PHACTR1: variants seen among roughly 807,000 people sequenced by gnomAD.
PHACTR1 encodes RPEL repeat containing 1.
A neutral mutation model predicts 69.2 loss-of-function variants in PHACTR1; 16 were observed. The observed-to-expected ratio is 0.23, with a 90% CI of 0.16 to 0.35. The LOEUF is 0.35. PHACTR1 is among the 10% of genes least tolerant of loss of function. PHACTR1 has a pLI of 1.00. For missense variants in PHACTR1, 510 were observed against 734.7 expected (o/e 0.69, Z 3.54); for synonymous variants, 312 against 284.5 (o/e 1.10, Z -0.97).
Position 12,819,781 on chromosome 6 carries a change from G to A in PHACTR1, c.250+69991G>A, listed in dbSNP as rs181255882. Among the ~76,000 whole-genome samples the A allele has an allele frequency of 1.8e-4, 27 of 152,260 alleles. No individual in the cohort carries two copies. The East Asian group carries it at 4.6e-3, about 26-fold the overall frequency. ...GCTCTGTTTTACTGATTTGAGTTTAGGATGAGTAATTACTCTAACATCAAA... is the reference window on the plus strand; with the variant it reads ...GCTCTGTTTTACTGATTTGAGTTTAAGATGAGTAATTACTCTAACATCAAA... On this transcript the variant is annotated intron_variant, in intron 4 of 14. Transcript: ENST00000332995.
chr6:13,105,469 T>C (rs1282368307), intron 5 of PHACTR1, among the ~76,000 whole-genome samples: 2 of 151,954 alleles, frequency 1.3e-5, no homozygotes, highest in Non-Finnish European at 2.9e-5. Flanking sequence ...AAAGGTTTTT[T>C]CCCCCCTTTA....
intron 4 of PHACTR1, among the ~76,000 whole-genome samples, chr6:12,777,519 G>A (rs1364600724): frequency 6.6e-6 from 1 of 151,732 alleles, no homozygotes; most frequent in African/African-American, 2.4e-5. Flanking sequence ...ATTTTGCTGA[G>A]GATGATGGCC....
At chr6:12,768,735 T>A (rs1183966418) in intron 4 of PHACTR1, among the ~76,000 whole-genome samples, 3 of 151,892 alleles carry the variant, frequency 2.0e-5, no homozygotes, top group Non-Finnish European at 2.9e-5. Flanking sequence ...ATATTTTTAA[T>A]TTTTAAAGGA....
chr6:13,240,620 T>A (rs930452245), intron 10 of PHACTR1, among the ~76,000 whole-genome samples: 1 of 152,078 alleles, frequency 6.6e-6, no homozygotes, highest in Non-Finnish European at 1.5e-5. Flanking sequence ...CTAATTTTTG[T>A]ATTTTTAGTA....
Position 12,893,985 on chromosome 6 carries a change from G to A in PHACTR1, c.250+144195G>A, listed in dbSNP as rs774143490. Among the ~76,000 whole-genome samples the A allele has an allele frequency of 2.6e-5, 4 of 152,192 alleles. No homozygotes were observed. The South Asian group carries it at 8.3e-4, about 32-fold the overall frequency. ...ATTACATGTCTGTCAGTGAGCTCACGTTAATGGCAATTTGCAAGGGAACAC... is the reference window on the plus strand; with the variant it reads ...ATTACATGTCTGTCAGTGAGCTCACATTAATGGCAATTTGCAAGGGAACAC... On this transcript the variant is annotated intron_variant, in intron 4 of 14. Coordinates refer to ENST00000332995, the MANE Select transcript of PHACTR1 (RefSeq NM_030948.6).
chr6:12,732,819 T>C (rs973333577), intron 3 of PHACTR1, among the ~76,000 whole-genome samples: 3 of 152,224 alleles, frequency 2.0e-5, no homozygotes, highest in Non-Finnish European at 2.9e-5. Context: ...AATTATGAAA[T>C]AATCAGACAC....
At chr6:12,785,730 G>C (rs1011723661) in intron 4 of PHACTR1, among the ~76,000 whole-genome samples, 1 of 152,146 alleles carries the variant, frequency 6.6e-6, no homozygotes, top group East Asian at 1.9e-4. Context: ...CATTTTGTTA[G>C]AACAAACTGT....
chr6:12,851,402 TG>T (rs1779813915), intron 4 of PHACTR1, among the ~76,000 whole-genome samples: 3 of 152,168 alleles, frequency 2.0e-5, no homozygotes, highest in African/African-American at 4.8e-5. Flanking sequence ...CGTTAGAAAA[TG>T]TTACCACAAA....
intron 7 of PHACTR1, among the ~76,000 whole-genome samples, chr6:13,202,133 G>C (rs1479980382): frequency 9.2e-5 from 14 of 152,208 alleles, no homozygotes; most frequent in Non-Finnish European, 2.1e-4. Context: ...ACTTGGTCCA[G>C]CTGGCCTTTT....
At chr6:12,845,910 T>C (rs1213436615) in intron 4 of PHACTR1, among the ~76,000 whole-genome samples, 2 of 152,236 alleles carry the variant, frequency 1.3e-5, no homozygotes, top group African/African-American at 2.4e-5. Context: ...AATTTCATTG[T>C]GTGCAGATTT....
chr6:12,746,654 A>G (rs760538230), intron 3 of PHACTR1, among the ~76,000 whole-genome samples: 1 of 152,272 alleles, frequency 6.6e-6, no homozygotes, highest in African/African-American at 2.4e-5. Flanking sequence ...ATAATACAAA[A>G]GTGCATTTAA....
At chr6:12,844,378 C>T (rs1778991957) in intron 4 of PHACTR1, among the ~76,000 whole-genome samples, 1 of 152,032 alleles carries the variant, frequency 6.6e-6, no homozygotes, top group South Asian at 2.1e-4. Context: ...TCCTGAGTGA[C>T]AGAGCAAGAC....
At chr6:13,138,395 T>C (rs1158475447) in intron 5 of PHACTR1, among the ~76,000 whole-genome samples, 1 of 152,196 alleles carries the variant, frequency 6.6e-6, no homozygotes, top group Non-Finnish European at 1.5e-5. Flanking sequence ...AAAGGGAATT[T>C]AGGGGTCTAT....
chr6:13,014,963 A>G (rs1799963621), intron 4 of PHACTR1, among the ~76,000 whole-genome samples: 1 of 152,228 alleles, frequency 6.6e-6, no homozygotes, highest in Admixed American at 6.5e-5. Context: ...GTTCCCGAGC[A>G]GCTCACCGAA....
chr6:13,226,018 C>T (rs1004941844), intron 8 of PHACTR1, among the ~76,000 whole-genome samples: 2 of 152,360 alleles, frequency 1.3e-5, no homozygotes, highest in African/African-American at 4.8e-5. Flanking sequence ...GTACTTCACC[C>T]TCCTGCTCCC....
chr6:13,265,347 G>C (rs552331543), intron 10 of PHACTR1, among the ~76,000 whole-genome samples: 101 of 75,872 alleles, frequency 1.3e-3, no homozygotes, highest in African/African-American at 5.6e-3. Context: ...TTAACGAAAA[G>C]ATTGACATGC....
At chr6:12,865,285 G>A (rs1358671629) in intron 4 of PHACTR1, among the ~76,000 whole-genome samples, 1 of 151,630 alleles carries the variant, frequency 6.6e-6, no homozygotes, top group East Asian at 1.9e-4. Flanking sequence ...CATCTTGACA[G>A]CACTGCTTCA....
chr6:12,879,534 G>A (rs1782870386), intron 4 of PHACTR1, among the ~76,000 whole-genome samples: 1 of 151,942 alleles, frequency 6.6e-6, no homozygotes, highest in South Asian at 2.1e-4. Flanking sequence ...TTTTTCTCTG[G>A]CTTTCTTAGA....
chr6:13,200,868 G>C (rs541845113), intron 7 of PHACTR1, among the ~76,000 whole-genome samples: 1 of 151,562 alleles, frequency 6.6e-6, no homozygotes, highest in Non-Finnish European at 1.5e-5. Context: ...TGAACAACCC[G>C]GGAGCGGGAG....
Sources: gnomAD v4.1 joint callset for allele counts (sites outside exome capture counted in the v4.1 genomes callset) on GRCh38, gnomAD v4.1.1 for gene constraint, MANE v1.5 for transcripts, NCBI Gene and HGNC (gene_info 2026-07-23, HGNC 2026-07-21) for gene names.